RAP1GAP2: variants seen among roughly 807,000 people sequenced by gnomAD.
RAP1GAP2 encodes RAP1 GTPase activating protein 2.
Under a neutral mutation model 95.0 loss-of-function variants are expected in RAP1GAP2, and 27 were observed. The observed-to-expected ratio is 0.28, with a 90% CI of 0.21 to 0.39. The LOEUF (loss-of-function observed/expected upper bound fraction) is 0.39. RAP1GAP2 is among the 10% of genes least tolerant of loss of function. The pLI is 1.00. For synonymous variants in RAP1GAP2, 373 were observed against 380.9 expected (o/e 0.98, Z 0.24); for missense variants, 771 against 970.0 (o/e 0.79, Z 2.72).
At position 2,825,175 on chromosome 17, in the gene RAP1GAP2, C is replaced by A. The variant is rs1398053568; in HGVS notation, c.80+24625C>A. Among the ~76,000 whole-genome samples the A allele has an allele frequency of 6.6e-6, 1 of 152,104 alleles. No homozygotes were observed. Among genetic ancestry groups the A allele is most frequent in the Non-Finnish European group, 1.5e-5 (1 of 68,028 alleles). On this transcript the variant is annotated intron_variant, in intron 2 of 24. Transcript: ENST00000254695. This position sits in a 1 kb window ranked among gnomAD's most constrained non-coding sequence, Gnocchi z 4.1. ...TCTTGAACTCCTGGCCTCAAGTGAT[C>A]CTCCCACCTTGGCCTCCTAAATTGC...
At chr17:2,927,832 C>G (rs777546853) in intron 3 of RAP1GAP2, among the ~76,000 whole-genome samples, 6 of 152,226 alleles carry the variant, frequency 3.9e-5, no homozygotes, top group Non-Finnish European at 8.8e-5. Flanking sequence ...TGTGGGATTC[C>G]GTAGTTCTGG....
At chr17:2,881,860 G>A (rs547765143) in intron 2 of RAP1GAP2, among the ~76,000 whole-genome samples, 30 of 152,004 alleles carry the variant, frequency 2.0e-4, no homozygotes, top group African/African-American at 5.5e-4. Flanking sequence ...TCGCTATGTC[G>A]CCCAAGCTGG....
In RAP1GAP2 at chr17:3,008,064, C is replaced by T; in HGVS notation, c.1413C>T (p.His471=). 1 of 1,613,976 alleles carries T rather than the reference C, an allele frequency of 6.2e-7. No individual in the cohort carries two copies. Among genetic ancestry groups the T allele is most frequent in the South Asian group, 1.1e-5 (1 of 91,086 alleles). The change falls in exon 17 of 25, where the codon CAC becomes CAT. Residue 471 remains histidine (H), a synonymous_variant. Coordinates refer to ENST00000254695, the MANE Select transcript of RAP1GAP2 (RefSeq NM_015085.5). The surrounding 1 kb of genome is among the most constrained non-coding windows in gnomAD (Gnocchi z 4.2). ...ACCTTCACGATGAGCTCCACGCCCACACACAGGCCATGCTGGGACTGGGCC... is the reference window on the plus strand; with the variant it reads ...ACCTTCACGATGAGCTCCACGCCCATACACAGGCCATGCTGGGACTGGGCC... The part of the protein sequence containing the change: ...LDNLHDELHA[H]TQAMLGLGPE...
At chr17:2,935,432 G>A (rs2043274746) in intron 3 of RAP1GAP2, among the ~76,000 whole-genome samples, 1 of 152,064 alleles carries the variant, frequency 6.6e-6, no homozygotes, top group South Asian at 2.1e-4. Context: ...GCTTGAACCT[G>A]GTAGGCGGAG....
intron 2 of RAP1GAP2, among the ~76,000 whole-genome samples, chr17:2,889,908 G>A (rs1336803149): frequency 5.0e-5 from 3 of 60,024 alleles, no homozygotes; most frequent in African/African-American, 1.8e-4. Context: ...TTTTTTTGTA[G>A]AGATGGGTTT....
At chr17:2,820,205 A>T (rs1012532429) in intron 2 of RAP1GAP2, among the ~76,000 whole-genome samples, 1 of 152,092 alleles carries the variant, frequency 6.6e-6, no homozygotes, top group African/African-American at 2.4e-5. Context: ...ATTGCAAGCA[A>T]TGCTGCAGGC....
At chr17:2,846,597 A>C (rs2071599574) in intron 2 of RAP1GAP2, among the ~76,000 whole-genome samples, 1 of 151,968 alleles carries the variant, frequency 6.6e-6, no homozygotes, top group South Asian at 2.1e-4. Flanking sequence ...TTTTGAATAA[A>C]ATGGTGATGA....
intron 2 of RAP1GAP2, among the ~76,000 whole-genome samples, chr17:2,809,027 A>G (rs991953364): frequency 2.6e-5 from 4 of 151,880 alleles, no homozygotes; most frequent in African/African-American, 9.7e-5. Context: ...GGTTGGCTTG[A>G]TTTCATTACC....
At chr17:2,853,316 C>T (rs2071962816) in intron 2 of RAP1GAP2, among the ~76,000 whole-genome samples, 1 of 152,008 alleles carries the variant, frequency 6.6e-6, no homozygotes. Context: ...ACGGGGACCG[C>T]GCGCGGGCAG....
rs2047239580 is a variant in RAP1GAP2 at position 3,029,960 on chromosome 17, G to A, written c.2108-962G>A. ...CCTTTTTATCTGTAGCCAACTTAAG[G>A]CTGCAGGAGATGAATGTGTGTAATT... On this transcript the variant is annotated intron_variant, in intron 22 of 24. Coordinates refer to ENST00000254695, the MANE Select transcript of RAP1GAP2 (RefSeq NM_015085.5). This position sits in a 1 kb window ranked among gnomAD's most constrained non-coding sequence, Gnocchi z 4.4. Among the ~76,000 whole-genome samples, 1 of 151,588 alleles carries A rather than the reference G, an allele frequency of 6.6e-6. No individual in the cohort carries two copies. Among genetic ancestry groups the A allele is most frequent in the Non-Finnish European group, 1.5e-5 (1 of 67,972 alleles).
intron 3 of RAP1GAP2, among the ~76,000 whole-genome samples, chr17:2,910,142 CCTTAA>C (rs1188309271): frequency 1.3e-5 from 2 of 152,222 alleles, no homozygotes; most frequent in Non-Finnish European, 2.9e-5. Context: ...CCGATTCTTT[CCTTAA>C]CTTGAGTTCC....
At chr17:2,978,883 C>T (rs923908643) in intron 8 of RAP1GAP2, among the ~76,000 whole-genome samples, 2 of 151,760 alleles carry the variant, frequency 1.3e-5, no homozygotes, top group Non-Finnish European at 2.9e-5. Context: ...TGTAGTGAGC[C>T]GAGATCACGC....
intron 2 of RAP1GAP2, among the ~76,000 whole-genome samples, chr17:2,882,453 G>A (rs2073341256): frequency 6.6e-6 from 1 of 151,934 alleles, no homozygotes; most frequent in Non-Finnish European, 1.5e-5. Context: ...CACCACGCCC[G>A]GCTAATTTTT....
At chr17:2,962,419 A>C (rs2044374081) in intron 4 of RAP1GAP2, 1 of 483,500 alleles carries the variant, frequency 2.1e-6, no homozygotes, top group Non-Finnish European at 3.6e-6. Flanking sequence ...TCAGGCTGAT[A>C]GGTGGCAGTG....
At position 2,998,286 on chromosome 17, in the gene RAP1GAP2, G is replaced by A. The variant is rs749258438; in HGVS notation, c.1110G>A (p.Pro370=). The A allele has an allele frequency of 7.4e-6, 12 of 1,614,002 alleles. No individual in the cohort carries two copies. Among genetic ancestry groups the A allele is most frequent in the South Asian group, 4.4e-5 (4 of 91,084 alleles). ...VAIIFQEENT[P]FVPDMIASNF... is the part of the protein sequence containing the mutation. ...TCATCTTCCAAGAGGAAAACACGCCGTTTGTCCCAGACATGATAGCCTCCA... is the reference window on the plus strand; with the variant it reads ...TCATCTTCCAAGAGGAAAACACGCCATTTGTCCCAGACATGATAGCCTCCA... Residue 370 remains proline, a synonymous_variant, in exon 14 of 25, where the codon CCG becomes CCA. Coordinates refer to ENST00000254695, the MANE Select transcript of RAP1GAP2 (RefSeq NM_015085.5).
chr17:2,884,254 G>A (rs2073404003), intron 2 of RAP1GAP2, among the ~76,000 whole-genome samples: 1 of 152,158 alleles, frequency 6.6e-6, no homozygotes, highest in South Asian at 2.1e-4. Flanking sequence ...GCTGTGGGGT[G>A]CAGTGGGGCT....
intron 2 of RAP1GAP2, among the ~76,000 whole-genome samples, chr17:2,770,779 GC>G (rs1333201810): frequency 1.3e-5 from 2 of 152,174 alleles, no homozygotes; most frequent in Non-Finnish European, 2.9e-5. Context: ...AGTGGCTCAT[GC>G]CTGTAATCCC....
chr17:2,834,605 T>A (rs1000839812), intron 2 of RAP1GAP2, among the ~76,000 whole-genome samples: 23 of 152,108 alleles, frequency 1.5e-4, no homozygotes, highest in Non-Finnish European at 3.2e-4. Flanking sequence ...AAGACCAGCT[T>A]GGGCAACGTG....
At chr17:2,999,998 A>G (rs1597837184) in intron 14 of RAP1GAP2, among the ~76,000 whole-genome samples, 1 of 152,084 alleles carries the variant, frequency 6.6e-6, no homozygotes, top group African/African-American at 2.4e-5. Flanking sequence ...CCCAGGCTGG[A>G]GTGCAGTGGT....
Sources: allele counts gnomAD v4.1 joint callset (sites outside exome capture counted in the v4.1 genomes callset), GRCh38; gene constraint gnomAD v4.1.1; non-coding constraint Gnocchi (gnomAD v3.1); transcripts MANE v1.5; gene names NCBI Gene and HGNC (gene_info 2026-07-23, HGNC 2026-07-21).